The following SERF2 variants were observed in gnomAD, a reference collection of about 807,000 sequenced individuals.
The protein encoded by SERF2 is small EDRK-rich factor 2, also known as gastric cancer-related protein VRG107.
In SERF2, 4 loss-of-function variants were observed where a neutral mutation model predicts 10.7. The observed-to-expected ratio is 0.37, with a 90% CI of 0.18 to 0.86. SERF2 has a LOEUF of 0.86. SERF2 is among the 40% of genes least tolerant of loss of function. The pLI, the probability that SERF2 is intolerant of heterozygous loss-of-function variation, is 0.43. For missense variants in SERF2, 47 were observed against 79.1 expected (o/e 0.59, Z 1.54); for synonymous variants, 26 against 26.0 (o/e 1.00, Z 0.01).
intron 1 of SERF2, among the ~76,000 whole-genome samples, chr15:43,779,266 A>T (rs552739104): frequency 6.6e-6 from 1 of 152,116 alleles, no homozygotes; most frequent in Non-Finnish European, 1.5e-5. Context: ...TGAAGTAGGA[A>T]GCAACTGAGA....
intron 2 of SERF2, among the ~76,000 whole-genome samples, chr15:43,785,726 G>C (rs1341943663): frequency 8.4e-6 from 1 of 119,210 alleles, no homozygotes; most frequent in Non-Finnish European, 1.7e-5. Flanking sequence ...TTTTTTTTGA[G>C]ACAGATACTT....
intron 1 of SERF2, 142 bp from the exon 2 acceptor site, chr15:43,792,833 A>T: frequency 2.8e-6 from 2 of 705,144 alleles, no homozygotes; most frequent in Non-Finnish European, 4.7e-6. Context: ...TACCCCAAGC[A>T]GCCTGGGCCT....
chr15:43,794,903 C>A lies in SERF2; in HGVS notation c.*1130C>A. 1 of 909,964 alleles carries A rather than the reference C, an allele frequency of 1.1e-6. No individual in the cohort carries two copies. Among genetic ancestry groups the A allele is most frequent in the Non-Finnish European group, 1.7e-6 (1 of 590,604 alleles). 56.4% of individuals were successfully genotyped at this position (909,964 alleles called of 1,614,324 possible). ...ACTTCAGCCCAAACGGAGATAACTC[C>A]CTGTGTGTCCTTGAGGTATTGAGCT... On this transcript the variant is annotated 3_prime_UTR_variant, in exon 3 of 3. Transcript: ENST00000249786.
upstream of SERF2, among the ~76,000 whole-genome samples, chr15:43,791,448 G>A (rs1269245093): frequency 2.6e-5 from 4 of 151,578 alleles, no homozygotes; most frequent in Non-Finnish European, 4.4e-5. Flanking sequence ...TGGTCAGGCT[G>A]CTGGTCTCGA....
chr15:43,783,925 C>G lies in SERF2; in HGVS notation c.-526-1485C>G, dbSNP rs551682990. Among the ~76,000 whole-genome samples, 216 of 69,484 alleles carry G rather than the reference C, an allele frequency of 3.1e-3. 5 individuals are homozygous for G. Among genetic ancestry groups the G allele is most frequent in the Non-Finnish European group, 2.3e-3 (68 of 30,196 alleles). The allele number at this position is 69,484 out of a possible 152,430, so 45.6% of individuals were successfully genotyped here. ...TACAAGCGGGTGCCACCACGCCCAG[C>G]TATTTTTTTTTTTTTTTTTTTTTTT... On this transcript the variant is annotated intron_variant, in intron 1 of 4. Transcript: ENST00000381359.
chr15:43,794,694 C>T lies in SERF2; in HGVS notation c.*921C>T. Reference sequence around the variant, plus strand: ...GGTCTTTCCCCACCCCCACTTCCAGCCCAAGAGCCAGGAAAGGGCTGGTGC... The same window carrying T: ...GGTCTTTCCCCACCCCCACTTCCAGTCCAAGAGCCAGGAAAGGGCTGGTGC... On this transcript the variant is annotated 3_prime_UTR_variant, in exon 3 of 3. Transcript: ENST00000249786. 1 of 294,904 alleles carries T rather than the reference C, an allele frequency of 3.4e-6. No homozygotes were observed. Among genetic ancestry groups the T allele is most frequent in the Non-Finnish European group, 6.4e-6 (1 of 156,608 alleles). 18.3% of individuals were successfully genotyped at this position (294,904 alleles called of 1,614,324 possible). A position where few individuals can be genotyped will look rare whatever the true frequency, so the allele number is the denominator to read the frequency against.
At chr15:43,792,605 C>A (rs1395125741) in intron 1 of SERF2, 41 of 1,441,778 alleles carry the variant, frequency 2.8e-5, no homozygotes, top group Non-Finnish European at 3.7e-5. Context: ...CCCGGATCTT[C>A]CGCGGTGTAA....
At position 43,794,772 on chromosome 15, in the gene SERF2, T is replaced by C. The variant is rs2087162598; in HGVS notation, c.*999T>C. ...TTCTTTGAGCTGCTGATTTGGGTGT[T>C]AGGCTCTTGAGCTGGGATGCAGATG... On this transcript the variant is annotated 3_prime_UTR_variant, in exon 3 of 3. Coordinates refer to ENST00000249786, the MANE Select transcript of SERF2 (RefSeq NM_001018108.4). 2.0e-6 allele frequency: 1 copy of C among 503,290 alleles called. No homozygotes were observed. The highest frequency in any genetic ancestry group is 3.6e-6 in the Non-Finnish European group (1 of 281,326). 31.2% of individuals were successfully genotyped at this position (503,290 alleles called of 1,614,324 possible). A position where few individuals can be genotyped will look rare whatever the true frequency, so the allele number is the denominator to read the frequency against.
At chr15:43,779,014 G>C (rs947992866) in intron 1 of SERF2, among the ~76,000 whole-genome samples, 1 of 152,156 alleles carries the variant, frequency 6.6e-6, no homozygotes, top group South Asian at 2.1e-4. Flanking sequence ...CCATGTTGAC[G>C]GAAATAATTT....
rs145178206 is a variant in SERF2 at position 43,793,583 on chromosome 15, G to A, written c.117-127G>A. 3,694 of 1,570,766 alleles carry A rather than the reference G, an allele frequency of 2.4e-3. 5 individuals are homozygous for A. Among genetic ancestry groups the A allele is most frequent in the Non-Finnish European group, 3.0e-3 (3,487 of 1,156,152 alleles). On this transcript the variant is annotated intron_variant, in intron 2 of 2. Coordinates refer to ENST00000249786, the MANE Select transcript of SERF2 (RefSeq NM_001018108.4). ...TTCCTCTTGTTCTCCTAGGGTGGGA[G>A]TACAGCAGCCAAACGCTGAACTTAG...
At chr15:43,792,701 C>A in intron 1 of SERF2, 1 of 1,097,956 alleles carries the variant, frequency 9.1e-7, no homozygotes, top group Non-Finnish European at 1.3e-6. Flanking sequence ...ACCGTCCACA[C>A]ACACCTTGCC....
exon 1 of SERF2, chr15:43,777,281 A>T (rs1017907725): frequency 2.4e-5 from 10 of 412,452 alleles, no homozygotes; most frequent in African/African-American, 2.1e-4. Context: ...TGCTGTCTCT[A>T]AGTGAAAGCT....
upstream of SERF2, among the ~76,000 whole-genome samples, chr15:43,790,713 G>C (rs2087048951): frequency 6.6e-6 from 1 of 152,066 alleles, no homozygotes; most frequent in African/African-American, 2.4e-5. Context: ...AGGTTGCAGT[G>C]AGCCGAGATC....
chr15:43,794,281 C>T lies in SERF2; in HGVS notation c.*508C>T, dbSNP rs759394273. The T allele has an allele frequency of 4.6e-5, 14 of 302,248 alleles. No homozygotes were observed. The highest frequency in any genetic ancestry group is 8.0e-5 in the Non-Finnish European group (13 of 162,396). The allele number at this position is 302,248 out of a possible 1,614,324, so 18.7% of individuals were successfully genotyped here. ...GACTTCTTTTCTGTGATTTTTGTTC[C>T]CCACCCTTGAACACCATCTCTAGGA... On this transcript the variant is annotated 3_prime_UTR_variant, in exon 3 of 3. Coordinates refer to ENST00000249786, the MANE Select transcript of SERF2 (RefSeq NM_001018108.4).
Position 43,786,364 on chromosome 15 carries a change from G to A in SERF2, c.-402+830G>A, listed in dbSNP as rs545644227. The stretch of plus-strand genomic sequence containing the variant: ...CAGGAGGCGGAGCTTGCAGTGAGCC[G>A]AGATTATGCCACTGCACTCCAGCCT... On this transcript the variant is annotated intron_variant, in intron 2 of 4. Coordinates refer to the SERF2 transcript ENST00000381359. Among the ~76,000 whole-genome samples the A allele has an allele frequency of 2.7e-5, 4 of 145,620 alleles. No individual in the cohort carries two copies. In the South Asian group the frequency reaches 6.5e-4, roughly 24 times the overall value.
chr15:43,781,760 T>G (rs1464125460), intron 1 of SERF2, among the ~76,000 whole-genome samples: 3 of 151,840 alleles, frequency 2.0e-5, no homozygotes, highest in African/African-American at 7.3e-5. Context: ...TTTTGTATTT[T>G]CAATAAAGAT....
At chr15:43,784,236 A>G (rs1172583983) in intron 1 of SERF2, among the ~76,000 whole-genome samples, 1 of 152,026 alleles carries the variant, frequency 6.6e-6, no homozygotes, top group African/African-American at 2.4e-5. Context: ...CTCTTCAGGT[A>G]TTTGATAACA....
In SERF2 at chr15:43,783,746, C is replaced by T. The variant is rs2086982654; in HGVS notation, c.-526-1664C>T. Among the ~76,000 whole-genome samples the T allele has an allele frequency of 2.0e-5, 3 of 151,612 alleles. No individual in the cohort carries two copies. The South Asian group carries it at 6.2e-4, about 32-fold the overall frequency. ...TCCCAAGTAGCTGGGACTACAGGCA[C>T]ACACCACCATATCTGGCTAATTTTT... On this transcript the variant is annotated intron_variant, in intron 1 of 4. Transcript: ENST00000381359.
rs1259205027 is a variant in SERF2, at chr15:43,795,196, A to G, written c.*1423A>G. ...GCTACCCTTGATGAAGGTCTTTTCC[A>G]GTTCTGCTCCCTCATAGCTGTGTAA... is the stretch of plus-strand genomic sequence containing the variant. On this transcript the variant is annotated 3_prime_UTR_variant, in exon 3 of 3. Transcript: ENST00000249786. 1 of 1,613,996 alleles carries G rather than the reference A, an allele frequency of 6.2e-7. No homozygotes were observed. The highest frequency in any genetic ancestry group is 8.5e-7 in the Non-Finnish European group (1 of 1,180,030).
Sources: allele counts gnomAD v4.1 joint callset (sites outside exome capture counted in the v4.1 genomes callset), GRCh38; gene constraint gnomAD v4.1.1; transcripts MANE v1.5; gene names NCBI Gene and HGNC (gene_info 2026-07-23, HGNC 2026-07-21).